The following CAB39 variants were observed in gnomAD, a reference collection of about 807,000 sequenced individuals.
CAB39 encodes the protein calcium-binding protein 39.
CAB39 carries 8 observed loss-of-function variants against 40.0 expected under a neutral mutation model. That is an observed-to-expected ratio of 0.20 (90% CI 0.12 to 0.36). The LOEUF (loss-of-function observed/expected upper bound fraction) is 0.36. Among genes scored for constraint, CAB39 ranks in the 10% least tolerant of loss-of-function variants. The probability of loss-of-function intolerance (pLI) is 1.00; values close to 1 mark genes in which losing one functional copy is unlikely to be tolerated. For missense variants in CAB39, 270 were observed against 401.1 expected, an observed-to-expected ratio of 0.67 and a Z score of 2.79; for synonymous variants, 156 against 141.6, an observed-to-expected ratio of 1.10 and a Z score of -0.72.
intron 1 of CAB39, among the ~76,000 whole-genome samples, chr2:230,748,631 C>G (rs1695017235): frequency 6.6e-6 from 1 of 151,186 alleles, no homozygotes. Flanking sequence ...CATGGTGAAA[C>G]CCCATCTCTA....
intron 1 of CAB39, among the ~76,000 whole-genome samples, chr2:230,720,238 A>C (rs1169159911): frequency 6.6e-6 from 1 of 152,182 alleles, no homozygotes; most frequent in Non-Finnish European, 1.5e-5. Flanking sequence ...TGTAGAATTA[A>C]ATTTGGGAAT....
intron 4 of CAB39, among the ~76,000 whole-genome samples, chr2:230,798,214 A>G (rs1313924135): frequency 1.3e-5 from 2 of 152,202 alleles, no homozygotes; most frequent in Non-Finnish European, 2.9e-5. Flanking sequence ...TCAGCTTGGT[A>G]GTGTTTACAT....
intron 1 of CAB39, among the ~76,000 whole-genome samples, chr2:230,754,517 C>T (rs1231130814): frequency 6.6e-6 from 1 of 150,642 alleles, no homozygotes; most frequent in African/African-American, 2.4e-5. Context: ...ATCCCTCCTT[C>T]TCCTCCTCTT....
chr2:230,792,607 G>GT (rs1011700269), intron 3 of CAB39, among the ~76,000 whole-genome samples: 6 of 152,210 alleles, frequency 3.9e-5, no homozygotes, highest in African/African-American at 1.4e-4. Flanking sequence ...GTACAGTAGT[G>GT]TAATGAAGTT....
At position 230,793,238 on chromosome 2, in the gene CAB39, T is replaced by C; in HGVS notation, c.305T>C (p.Phe102Ser). ...GGCAAAAAAGACGTGGCTCAAATTTTCAACAATATTCTCAGAAGACAAATT... is the reference window on the plus strand; with the variant it reads ...GGCAAAAAAGACGTGGCTCAAATTTCCAACAATATTCTCAGAAGACAAATT... ...FEGKKDVAQIFNNILRRQIGT... is the reference protein window; with the variant it reads ...FEGKKDVAQISNNILRRQIGT... Residue 102 changes from phenylalanine (F) to serine (S), a missense_variant, in exon 4 of 9, where the codon TTC (phenylalanine) becomes TCC (serine). By Grantham distance (155) the Phe-to-Ser change is radical (BLOSUM62 -2). Transcript: ENST00000258418. The C allele has an allele frequency of 6.2e-7, 1 of 1,611,538 alleles. No individual in the cohort carries two copies. The highest frequency in any genetic ancestry group is 8.5e-7 in the Non-Finnish European group (1 of 1,178,234).
chr2:230,714,384 A>C (rs1434534848), intron 1 of CAB39, among the ~76,000 whole-genome samples: 1 of 152,232 alleles, frequency 6.6e-6, no homozygotes, highest in African/African-American at 2.4e-5. Flanking sequence ...AGCTTCCCAG[A>C]TAATCAAGTA....
At chr2:230,812,899 A>C (rs1014548898) in intron 6 of CAB39, among the ~76,000 whole-genome samples, 1 of 152,232 alleles carries the variant, frequency 6.6e-6, no homozygotes, top group African/African-American at 2.4e-5. Context: ...ACAAACGAGC[A>C]TGGGATGTGT....
intron 1 of CAB39, among the ~76,000 whole-genome samples, chr2:230,755,260 T>C (rs896746994): frequency 1.3e-5 from 2 of 152,154 alleles, no homozygotes; most frequent in Non-Finnish European, 2.9e-5. Flanking sequence ...CCACCAGGAG[T>C]GTAGAAGTGT....
chr2:230,768,738 A>G (rs888581537), intron 2 of CAB39, among the ~76,000 whole-genome samples: 2 of 152,230 alleles, frequency 1.3e-5, no homozygotes, highest in African/African-American at 4.8e-5. Context: ...ACACAGTACA[A>G]ATAAAAGTAT....
At chr2:230,757,740 A>G (rs1337890833) in intron 1 of CAB39, among the ~76,000 whole-genome samples, 1 of 152,182 alleles carries the variant, frequency 6.6e-6, no homozygotes, top group Non-Finnish European at 1.5e-5. Context: ...ACAGATAGGA[A>G]AGATAATATT....
At chr2:230,726,943 C>T (rs952265931) in intron 1 of CAB39, among the ~76,000 whole-genome samples, 14 of 149,938 alleles carry the variant, frequency 9.3e-5, no homozygotes, top group Non-Finnish European at 2.1e-4. Context: ...ATGCTGATGC[C>T]CTTTGGTGTT....
At chr2:230,770,552 T>G (rs775485723) in intron 2 of CAB39, among the ~76,000 whole-genome samples, 1 of 152,218 alleles carries the variant, frequency 6.6e-6, no homozygotes, top group African/African-American at 2.4e-5. Flanking sequence ...TGTAAACCTT[T>G]CCAGAAAATT....
At position 230,818,769 on chromosome 2, in the gene CAB39, A is replaced by G. The variant is rs1696450405; in HGVS notation, c.*65A>G. On this transcript the variant is annotated 3_prime_UTR_variant, in exon 9 of 9. Coordinates refer to ENST00000258418, the MANE Select transcript of CAB39 (RefSeq NM_016289.4). ...TGCTGTTAGCTATTCAGCATCAGGC[A>G]CTCTTATTGATTCATGAGGAACATT... 1.6e-6 allele frequency: 2 copies of G among 1,244,660 alleles called. No homozygotes were observed. The highest frequency in any genetic ancestry group is 3.8e-5 in the Admixed American group (2 of 52,962). 77.1% of individuals were successfully genotyped at this position (1,244,660 alleles called of 1,614,324 possible).
At chr2:230,722,060 TA>T (rs1290547565) in intron 1 of CAB39, among the ~76,000 whole-genome samples, 2 of 151,856 alleles carry the variant, frequency 1.3e-5, no homozygotes, top group South Asian at 2.1e-4. Context: ...TTTTTTTTTT[TA>T]ATTTCAGCCT....
At chr2:230,751,764 G>T (rs1182539973) in intron 1 of CAB39, among the ~76,000 whole-genome samples, 1 of 152,086 alleles carries the variant, frequency 6.6e-6, no homozygotes, top group African/African-American at 2.4e-5. Context: ...GTCTCCATCT[G>T]TTCTGGAGAA....
intron 1 of CAB39, among the ~76,000 whole-genome samples, chr2:230,726,240 G>T (rs1274682048): frequency 1.3e-5 from 2 of 151,916 alleles, no homozygotes; most frequent in Non-Finnish European, 2.9e-5. Flanking sequence ...TCGGCTCACT[G>T]CAACCTCTGC....
intron 2 of CAB39, among the ~76,000 whole-genome samples, chr2:230,765,907 C>T (rs1695377413): frequency 6.6e-6 from 1 of 151,844 alleles, no homozygotes; most frequent in Admixed American, 6.6e-5. Flanking sequence ...TTAGGATAAA[C>T]AAAACAAAGA....
chr2:230,762,595 A>G (rs1210225631), intron 2 of CAB39, among the ~76,000 whole-genome samples: 2 of 152,254 alleles, frequency 1.3e-5, no homozygotes, highest in Non-Finnish European at 2.9e-5. Flanking sequence ...CTCAGTGGCT[A>G]TTCCTTAATC....
chr2:230,714,238 T>G (rs1694308677), intron 1 of CAB39, among the ~76,000 whole-genome samples: 1 of 152,158 alleles, frequency 6.6e-6, no homozygotes, highest in African/African-American at 2.4e-5. Context: ...AGAGCTCATT[T>G]CTCAGTGACT....
Sources: gnomAD v4.1 joint callset for allele counts (sites outside exome capture counted in the v4.1 genomes callset) on GRCh38, gnomAD v4.1.1 for gene constraint, MANE v1.5 for transcripts, NCBI Gene and HGNC (gene_info 2026-07-23, HGNC 2026-07-21) for gene names.